The following TPRG1 variants were observed in gnomAD, a reference collection of about 807,000 sequenced individuals.
TPRG1 encodes the protein tumor protein p63 regulated 1, also known as tumor protein p63-regulated gene 1 protein.
A neutral mutation model predicts 29.3 loss-of-function variants in TPRG1; 29 were observed. The ratio of observed to expected loss-of-function variants is 0.99; its 90% CI spans 0.74 to 1.35. The LOEUF is 1.35. Among genes scored for constraint, TPRG1 ranks in the 40% most tolerant of loss-of-function variants. The pLI, the probability that TPRG1 is intolerant of heterozygous loss-of-function variation, is 0.00. For missense variants in TPRG1, 327 were observed against 335.0 expected (o/e 0.98, Z 0.19); for synonymous variants, 130 against 116.8 (o/e 1.11, Z -0.73).
At chr3:189,003,153 A>G (rs1296545687) in intron 2 of TPRG1, among the ~76,000 whole-genome samples, 1 of 152,144 alleles carries the variant, frequency 6.6e-6, no homozygotes, top group Non-Finnish European at 1.5e-5. Flanking sequence ...GTGTTTGGGT[A>G]CTACTTACTG....
intron 4 of TPRG1, among the ~76,000 whole-genome samples, chr3:189,262,033 G>C (rs1012928535): frequency 6.6e-6 from 1 of 152,032 alleles, no homozygotes; most frequent in Non-Finnish European, 1.5e-5. Context: ...TTGACATTTT[G>C]CCTCAAAAAG....
chr3:189,041,756 A>G (rs1464558338), intron 4 of TPRG1, among the ~76,000 whole-genome samples: 1 of 152,156 alleles, frequency 6.6e-6, no homozygotes, highest in Non-Finnish European at 1.5e-5. Context: ...TTTCAAGTGG[A>G]GGCGAAGGGT....
In TPRG1 at chr3:189,154,353, C is replaced by T. The variant is rs1162425699; in HGVS notation, c.-10+3481C>T. ...GTTCATTCATTTGCCAATTATTTGT[C>T]GAGTGTCTGCTATGGGCTGAGCCTT... is the stretch of plus-strand genomic sequence containing the variant. On this transcript the variant is annotated intron_variant, in intron 5 of 6. Transcript: ENST00000412373. 2.6e-5 allele frequency among the ~76,000 whole-genome samples: 4 copies of T among 152,038 alleles called. No homozygotes were observed. In the East Asian group the frequency reaches 7.7e-4, roughly 29 times the overall value.
chr3:189,057,269 T>G (rs757351780), intron 4 of TPRG1, among the ~76,000 whole-genome samples: 8 of 152,206 alleles, frequency 5.3e-5, no homozygotes, highest in Non-Finnish European at 1.0e-4. Flanking sequence ...ATGAGGTGCT[T>G]GCTCACGTTT....
chr3:189,189,889 C>T (rs1267551794), intron 1 of TPRG1, among the ~76,000 whole-genome samples: 1 of 152,058 alleles, frequency 6.6e-6, no homozygotes, highest in East Asian at 1.9e-4. Context: ...GCATTTGAAG[C>T]CTGACATTAC....
chr3:189,228,539 T>C (rs1007794678), intron 3 of TPRG1, among the ~76,000 whole-genome samples: 1 of 152,126 alleles, frequency 6.6e-6, no homozygotes, highest in African/African-American at 2.4e-5. Flanking sequence ...TCATATCAAC[T>C]GATGCAGAGA....
chr3:189,067,294 C>T (rs1248441901), intron 4 of TPRG1, among the ~76,000 whole-genome samples: 1 of 152,132 alleles, frequency 6.6e-6, no homozygotes, highest in Non-Finnish European at 1.5e-5. Flanking sequence ...ATACAAATTA[C>T]ATTCTTCAGA....
At chr3:189,168,817 AC>A (rs1382718122), upstream of TPRG1, among the ~76,000 whole-genome samples, 2 of 151,992 alleles carry the variant, frequency 1.3e-5, no homozygotes, top group Admixed American at 6.6e-5. Flanking sequence ...GTACCTATTT[AC>A]CCCCAGTGAT....
intron 4 of TPRG1, among the ~76,000 whole-genome samples, chr3:189,299,134 C>T (rs1720429754): frequency 6.6e-6 from 1 of 150,412 alleles, no homozygotes; most frequent in Non-Finnish European, 1.5e-5. Context: ...TTAGGGTGCT[C>T]AAAAGTACTT....
Position 189,207,452 on chromosome 3 carries a change from C to A in TPRG1, c.68C>A (p.Pro23His). ...VSLKQEGDDQ[P>H]SETDHLSMEE... ...CTGAAGCAAGAGGGAGATGACCAAC[C>A]CTCTGAGACTGACCACCTATCGATG... The change falls in exon 2 of 6, where the codon CCC (proline) becomes CAC (histidine). Residue 23 changes from proline (P) to histidine (H), a missense_variant. By Grantham distance (77) the Pro-to-His change is moderately conservative. Transcript: ENST00000345063. 1 of 1,613,978 alleles carries A rather than the reference C, an allele frequency of 6.2e-7. No individual in the cohort carries two copies. The highest frequency in any genetic ancestry group is 1.7e-5 in the Admixed American group (1 of 59,984).
chr3:189,098,412 A>G (rs1278075215), upstream of TPRG1, among the ~76,000 whole-genome samples: 2 of 152,154 alleles, frequency 1.3e-5, no homozygotes, highest in Non-Finnish European at 2.9e-5. Flanking sequence ...TCCAGCTTCT[A>G]TCCTTGCAAG....
rs183474004 is a variant in TPRG1 at position 189,278,819 on chromosome 3, T to C, written c.480-31567T>C. 1.8e-3 allele frequency among the ~76,000 whole-genome samples: 277 copies of C among 152,332 alleles called. 1 individual carries two copies. Among genetic ancestry groups the C allele is most frequent in the Non-Finnish European group, 3.0e-3 (203 of 68,038 alleles). Reference sequence around the variant, plus strand: ...AACCAGGTCTGCCTGTGATCTTCTTTTCTCTTCCATCACCCCCTTGCTAAA... The same window carrying C: ...AACCAGGTCTGCCTGTGATCTTCTTCTCTCTTCCATCACCCCCTTGCTAAA... On this transcript the variant is annotated intron_variant, in intron 4 of 5. Coordinates refer to ENST00000345063, the MANE Select transcript of TPRG1 (RefSeq NM_198485.4).
intron 3 of TPRG1, among the ~76,000 whole-genome samples, chr3:189,007,179 T>C (rs1200428280): frequency 6.6e-6 from 1 of 151,892 alleles, no homozygotes; most frequent in African/African-American, 2.4e-5. Flanking sequence ...GAATTTACAA[T>C]GAACTCAACC....
intron 4 of TPRG1, among the ~76,000 whole-genome samples, chr3:189,068,637 G>A (rs1050244182): frequency 2.6e-5 from 4 of 152,270 alleles, no homozygotes; most frequent in South Asian, 4.1e-4. Context: ...TTAGCCAGGC[G>A]TGGTGGCGGT....
chr3:189,177,058 T>G (rs772760494), intron 1 of TPRG1, among the ~76,000 whole-genome samples: 13 of 152,152 alleles, frequency 8.5e-5, no homozygotes, highest in African/African-American at 2.9e-4. Context: ...TAGGGAGTTA[T>G]TGCTATAATC....
intron 4 of TPRG1, among the ~76,000 whole-genome samples, chr3:189,272,790 C>T (rs1176016089): frequency 6.8e-6 from 1 of 147,418 alleles, no homozygotes; most frequent in African/African-American, 2.5e-5. Flanking sequence ...TCTTTCTTTT[C>T]TACAAAGGCT....
At chr3:189,168,811 C>T (rs1728461743), upstream of TPRG1, among the ~76,000 whole-genome samples, 1 of 152,152 alleles carries the variant, frequency 6.6e-6, no homozygotes, top group African/African-American at 2.4e-5. Context: ...TAGACAGTAC[C>T]TATTTACCCC....
At chr3:189,162,832 A>G (rs1360752804) in intron 5 of TPRG1, among the ~76,000 whole-genome samples, 1 of 152,222 alleles carries the variant, frequency 6.6e-6, no homozygotes, top group Admixed American at 6.5e-5. Context: ...TTTCAATAAC[A>G]TATAATACCT....
chr3:189,099,179 C>G, upstream of TPRG1, among the ~76,000 whole-genome samples: 1 of 152,086 alleles, frequency 6.6e-6, no homozygotes, highest in East Asian at 1.9e-4. Context: ...GCGGCGCTCC[C>G]CTACCCCCAC....
Sources: gnomAD v4.1 joint callset for allele counts (sites outside exome capture counted in the v4.1 genomes callset) on GRCh38, gnomAD v4.1.1 for gene constraint, MANE v1.5 for transcripts, NCBI Gene and HGNC (gene_info 2026-07-23, HGNC 2026-07-21) for gene names.